Variants in EPHA3 observed in about 807,000 individuals in gnomAD.
The protein encoded by EPHA3 is ephrin type-A receptor 3.
Under a neutral mutation model 107.1 loss-of-function variants are expected in EPHA3, and 42 were observed. The observed-to-expected ratio is 0.39, with a 90% CI of 0.31 to 0.51. EPHA3 has a LOEUF of 0.51. Ranked by LOEUF, EPHA3 falls within the 20% of genes least tolerant of loss-of-function variation. The pLI is 0.78. For synonymous variants in EPHA3, 461 were observed against 424.8 expected, an observed-to-expected ratio of 1.09 and a Z score of -1.05; for missense variants, 1,183 against 1,211.2, an observed-to-expected ratio of 0.98 and a Z score of 0.35.
chr3:89,280,793 C>G (rs1025919026), intron 3 of EPHA3, among the ~76,000 whole-genome samples: 2 of 152,006 alleles, frequency 1.3e-5, no homozygotes, highest in Non-Finnish European at 2.9e-5. Flanking sequence ...ATCTTGCTAT[C>G]TATGAGTAGG....
At chr3:89,144,128 A>G (rs1302945529) in intron 2 of EPHA3, among the ~76,000 whole-genome samples, 1 of 151,618 alleles carries the variant, frequency 6.6e-6, no homozygotes, top group African/African-American at 2.4e-5. Flanking sequence ...TGTGTATTCT[A>G]CAGTTCTGTT....
intron 2 of EPHA3, among the ~76,000 whole-genome samples, chr3:89,140,851 C>T (rs748759609): frequency 6.6e-6 from 1 of 151,670 alleles, no homozygotes; most frequent in Non-Finnish European, 1.5e-5. Context: ...CCAACAACTG[C>T]TTTAGCTCCT....
chr3:89,381,096 C>T (rs139465038), intron 5 of EPHA3, among the ~76,000 whole-genome samples: 2,387 of 152,054 alleles, frequency 0.016, 65 homozygotes, highest in African/African-American at 0.054. Context: ...CCTCAGCCTC[C>T]AGAGTAGCTG....
chr3:89,413,723 T>A (rs1360410102), intron 10 of EPHA3, among the ~76,000 whole-genome samples: 1 of 151,780 alleles, frequency 6.6e-6, no homozygotes, highest in African/African-American at 2.4e-5. Context: ...TGGGTGGATA[T>A]TTTAAATAAT....
At chr3:89,138,668 G>A (rs1427942686) in intron 2 of EPHA3, among the ~76,000 whole-genome samples, 1 of 151,738 alleles carries the variant, frequency 6.6e-6, no homozygotes, top group Non-Finnish European at 1.5e-5. Flanking sequence ...ATCAGAAAGG[G>A]CACTGTAAAA....
intron 11 of EPHA3, among the ~76,000 whole-genome samples, chr3:89,419,689 C>T (rs1192114381): frequency 3.3e-5 from 5 of 151,370 alleles, no homozygotes; most frequent in Admixed American, 2.0e-4. Context: ...GGGGAATTCT[C>T]GGCTATGTAA....
At chr3:89,283,287 T>A (rs893951011) in intron 3 of EPHA3, among the ~76,000 whole-genome samples, 43 of 152,104 alleles carry the variant, frequency 2.8e-4, no homozygotes, top group African/African-American at 9.2e-4. Context: ...GAATTCTAAG[T>A]AGGTAGCTTC....
chr3:89,236,733 G>GA (rs911505029), intron 3 of EPHA3, among the ~76,000 whole-genome samples: 6 of 150,556 alleles, frequency 4.0e-5, no homozygotes, highest in South Asian at 2.1e-4. Context: ...AAGTATAATT[G>GA]AAAAAAAAGA....
intron 2 of EPHA3, among the ~76,000 whole-genome samples, chr3:89,166,459 T>C (rs564107938): frequency 6.6e-5 from 10 of 152,340 alleles, no homozygotes; most frequent in Non-Finnish European, 1.3e-4. Context: ...ATATAAAGTC[T>C]TTAAATTATA....
chr3:89,110,144 A>AT (rs1478387116), intron 1 of EPHA3, among the ~76,000 whole-genome samples: 3 of 151,984 alleles, frequency 2.0e-5, no homozygotes, highest in Non-Finnish European at 2.9e-5. Context: ...TTCTGATATA[A>AT]TTTTTTAATT....
At chr3:89,273,655 C>T (rs9863058) in intron 3 of EPHA3, among the ~76,000 whole-genome samples, 33,968 of 151,552 alleles carry the variant, frequency 0.22, 4,199 homozygotes, top group Non-Finnish European at 0.27. Context: ...AGGGGAAATA[C>T]AAGTTTAGCT....
At chr3:89,370,435 C>T (rs1179914002) in intron 5 of EPHA3, among the ~76,000 whole-genome samples, 1 of 151,336 alleles carries the variant, frequency 6.6e-6, no homozygotes, top group Non-Finnish European at 1.5e-5. Context: ...CATGTTCTCA[C>T]TCATAGGTGG....
chr3:89,198,298 A>C (rs1705893727), intron 2 of EPHA3, among the ~76,000 whole-genome samples: 1 of 152,198 alleles, frequency 6.6e-6, no homozygotes, highest in African/African-American at 2.4e-5. Context: ...ACACAGTTAC[A>C]ACCATTTTAA....
At chr3:89,144,269 G>T (rs1208004110) in intron 2 of EPHA3, among the ~76,000 whole-genome samples, 1 of 151,608 alleles carries the variant, frequency 6.6e-6, no homozygotes, top group African/African-American at 2.4e-5. Context: ...GGCAACCACA[G>T]ATCTTTTTGC....
chr3:89,194,570 A>G (rs1705791952), intron 2 of EPHA3, among the ~76,000 whole-genome samples: 1 of 152,118 alleles, frequency 6.6e-6, no homozygotes, highest in Admixed American at 6.5e-5. Flanking sequence ...TTTTCTATTC[A>G]ATAATAAAAT....
At chr3:89,204,088 G>T (rs1706041619) in intron 2 of EPHA3, among the ~76,000 whole-genome samples, 1 of 152,170 alleles carries the variant, frequency 6.6e-6, no homozygotes, top group African/African-American at 2.4e-5. Context: ...GATCTTACAT[G>T]ATTCTGTTCC....
chr3:89,336,046 T>A (rs148425167), intron 3 of EPHA3, among the ~76,000 whole-genome samples: 2 of 152,344 alleles, frequency 1.3e-5, no homozygotes, highest in African/African-American at 4.8e-5. Context: ...TCTGGATAAA[T>A]CTTTTTTCCA....
Position 89,210,392 on chromosome 3 carries a change from C to G in EPHA3, c.686C>G (p.Ser229Cys). Reference protein sequence around the residue: ...DSQSLVEVRGSCVNNSKEEDP... With the variant: ...DSQSLVEVRGCCVNNSKEEDP... ...CAGTCCCTGGTGGAGGTTAGAGGGT[C>G]TTGTGTCAACAATTCTAAGGAGGAA... The change falls in exon 3 of 17, where the codon TCT (serine) becomes TGT (cysteine). Residue 229 changes from serine to cysteine, a missense_variant. Physicochemically the swap from Ser to Cys is moderately radical, Grantham distance 112. Coordinates refer to ENST00000336596, the MANE Select transcript of EPHA3 (RefSeq NM_005233.6). 1 of 1,613,844 alleles carries G rather than the reference C, an allele frequency of 6.2e-7. No homozygotes were observed. Among genetic ancestry groups the G allele is most frequent in the Non-Finnish European group, 8.5e-7 (1 of 1,179,908 alleles).
chr3:89,413,317 T>C (rs543797970), intron 10 of EPHA3, 51 bp downstream of exon 10: 4 of 1,606,604 alleles, frequency 2.5e-6, no homozygotes, highest in African/African-American at 2.7e-5. Context: ...GAATCACGAT[T>C]GCTCAGTCTC....
Sources: gnomAD v4.1 joint callset for allele counts (sites outside exome capture counted in the v4.1 genomes callset) on GRCh38, gnomAD v4.1.1 for gene constraint, MANE v1.5 for transcripts, NCBI Gene and HGNC (gene_info 2026-07-23, HGNC 2026-07-21) for gene names.